SCFD2: variants seen among roughly 807,000 people sequenced by gnomAD.
The protein encoded by SCFD2 is sec1 family domain-containing protein 2.
Under a neutral mutation model 58.9 loss-of-function variants are expected in SCFD2, and 54 were observed. The observed-to-expected ratio is 0.92, with a 90% CI of 0.74 to 1.15. The LOEUF is 1.15. Among genes scored for constraint, SCFD2 ranks in the 50% most tolerant of loss-of-function variants. The pLI is 0.00. For synonymous variants in SCFD2, 321 were observed against 335.9 expected (o/e 0.96, Z 0.49); for missense variants, 805 against 836.6 (o/e 0.96, Z 0.47).
intron 5 of SCFD2, among the ~76,000 whole-genome samples, chr4:53,048,691 T>C (rs974688093): frequency 2.0e-5 from 3 of 152,226 alleles, no homozygotes; most frequent in African/African-American, 7.2e-5. Context: ...CAGGGAGCTG[T>C]GTATCTCAAA....
chr4:53,356,687 A>T lies in SCFD2; in HGVS notation c.839-3921T>A, dbSNP rs188073112. On this transcript the variant is annotated intron_variant, in intron 1 of 8. Coordinates refer to ENST00000401642, the MANE Select transcript of SCFD2 (RefSeq NM_152540.4). ...GTGATCCACCACTTTGGCCTCCCAA[A>T]GTGCTGGGGTTGCAGGTGTGAGTCA... Among the ~76,000 whole-genome samples the T allele has an allele frequency of 1.2e-3, 175 of 151,004 alleles. 2 individuals are homozygous for T. The highest frequency in any genetic ancestry group is 3.5e-4 in the Non-Finnish European group (24 of 67,864).
intron 6 of SCFD2, among the ~76,000 whole-genome samples, chr4:52,911,179 T>C (rs1301898823): frequency 6.6e-6 from 1 of 152,256 alleles, no homozygotes; most frequent in African/African-American, 2.4e-5. Context: ...CTATATTCTG[T>C]ACCTCCTCTG....
rs1726232603 is a variant in SCFD2, at chr4:53,143,704, G to T, written c.1561+1629C>A. On this transcript the variant is annotated intron_variant, in intron 5 of 8. Coordinates refer to ENST00000401642, the MANE Select transcript of SCFD2 (RefSeq NM_152540.4). The stretch of plus-strand genomic sequence containing the variant: ...AAGTCTGGACACTTCTCCCAGAGAG[G>T]CCCAACAGAGGACAAGAGGAAAAGA... Among the ~76,000 whole-genome samples, 4 of 151,744 alleles carry T rather than the reference G, an allele frequency of 2.6e-5. No homozygotes were observed. The South Asian group carries it at 6.2e-4, about 24-fold the overall frequency.
At chr4:52,973,540 C>CA (rs1338218687) in intron 5 of SCFD2, among the ~76,000 whole-genome samples, 3 of 151,978 alleles carry the variant, frequency 2.0e-5, no homozygotes, top group African/African-American at 4.8e-5. Flanking sequence ...GCTTACCAAC[C>CA]AAAAAAACTC....
chr4:52,925,131 T>C (rs536151366), intron 5 of SCFD2, among the ~76,000 whole-genome samples: 4 of 152,128 alleles, frequency 2.6e-5, no homozygotes, highest in Non-Finnish European at 4.4e-5. Flanking sequence ...ACAGAGAAGT[T>C]AAGTAACACA....
chr4:52,960,281 G>C (rs1720814093), intron 5 of SCFD2, among the ~76,000 whole-genome samples: 1 of 151,936 alleles, frequency 6.6e-6, no homozygotes, highest in Non-Finnish European at 1.5e-5. Flanking sequence ...TGGCTACCAA[G>C]ATGGCCAATT....
At chr4:53,143,991 C>A (rs1726244020) in intron 5 of SCFD2, among the ~76,000 whole-genome samples, 1 of 151,932 alleles carries the variant, frequency 6.6e-6, no homozygotes, top group Admixed American at 6.6e-5. Flanking sequence ...AACATGAATG[C>A]CTTCATGAGT....
At chr4:53,097,429 A>G (rs1004863230) in intron 5 of SCFD2, among the ~76,000 whole-genome samples, 4 of 152,190 alleles carry the variant, frequency 2.6e-5, no homozygotes, top group Non-Finnish European at 4.4e-5. Flanking sequence ...GAGGTCCTTC[A>G]CATCCCTTGT....
At chr4:53,007,900 A>T (rs187803674) in intron 5 of SCFD2, among the ~76,000 whole-genome samples, 31 of 152,334 alleles carry the variant, frequency 2.0e-4, no homozygotes, top group Admixed American at 1.8e-3. Context: ...AGATCTCAAG[A>T]AGAGCTTCAT....
At chr4:53,266,584 A>G (rs766513171) in intron 4 of SCFD2, among the ~76,000 whole-genome samples, 10 of 152,228 alleles carry the variant, frequency 6.6e-5, no homozygotes, top group South Asian at 4.1e-4. Context: ...CATACTTTAC[A>G]CCATTTCACC....
At chr4:53,334,877 A>G (rs912287454) in intron 2 of SCFD2, among the ~76,000 whole-genome samples, 18 of 152,156 alleles carry the variant, frequency 1.2e-4, no homozygotes, top group African/African-American at 3.9e-4. Context: ...AAGTGGACGA[A>G]TTTAAATTAT....
At chr4:53,343,143 C>T (rs564832867) in intron 2 of SCFD2, among the ~76,000 whole-genome samples, 1 of 151,308 alleles carries the variant, frequency 6.6e-6, no homozygotes, top group Non-Finnish European at 1.5e-5. Flanking sequence ...ACACAAAAAA[C>T]CCATCAAAAA....
At chr4:53,076,694 T>C (rs1371723391) in intron 5 of SCFD2, among the ~76,000 whole-genome samples, 1 of 152,188 alleles carries the variant, frequency 6.6e-6, no homozygotes, top group Non-Finnish European at 1.5e-5. Context: ...TGAAATATAA[T>C]TCTCCATCAA....
At chr4:53,140,558 C>G (rs1317812315) in intron 5 of SCFD2, among the ~76,000 whole-genome samples, 1 of 151,530 alleles carries the variant, frequency 6.6e-6, no homozygotes, top group African/African-American at 2.4e-5. Context: ...AATGCAGAAA[C>G]TAAAGAGGAT....
At chr4:53,166,646 A>T (rs1727018433) in intron 4 of SCFD2, among the ~76,000 whole-genome samples, 2 of 152,210 alleles carry the variant, frequency 1.3e-5, no homozygotes, top group Non-Finnish European at 1.5e-5. Flanking sequence ...TGGTAACCTG[A>T]AGTAAAATAA....
At chr4:53,227,452 T>A (rs1254438501) in intron 4 of SCFD2, among the ~76,000 whole-genome samples, 1 of 152,192 alleles carries the variant, frequency 6.6e-6, no homozygotes, top group Non-Finnish European at 1.5e-5. Context: ...GGGATTCTTG[T>A]AAAGATGACG....
intron 4 of SCFD2, among the ~76,000 whole-genome samples, chr4:53,246,366 C>A (rs1322861690): frequency 2.6e-5 from 4 of 152,064 alleles, no homozygotes; most frequent in Non-Finnish European, 4.4e-5. Context: ...TATGGAACAA[C>A]AACGAAAAAC....
At chr4:53,143,250 T>C (rs182017447) in intron 5 of SCFD2, among the ~76,000 whole-genome samples, 136 of 152,322 alleles carry the variant, frequency 8.9e-4, no homozygotes, top group Admixed American at 2.6e-3. Context: ...AAAAAAGCTA[T>C]CCAAATAACC....
chr4:53,341,572 GCAGGCCAACATTCAAATT>G (rs1280269531), intron 2 of SCFD2, among the ~76,000 whole-genome samples: 1 of 152,108 alleles, frequency 6.6e-6, no homozygotes, highest in Non-Finnish European at 1.5e-5. Context: ...ACCTAGCAAG[GCAGGCCAACATTCAAATT>G]CAGGAAATAC....
Sources: allele counts gnomAD v4.1 joint callset (sites outside exome capture counted in the v4.1 genomes callset), GRCh38; gene constraint gnomAD v4.1.1; transcripts MANE v1.5; gene names NCBI Gene and HGNC (gene_info 2026-07-23, HGNC 2026-07-21).